CCDC159: variants seen among roughly 807,000 people sequenced by gnomAD.
CCDC159 encodes coiled-coil domain-containing protein 159.
A neutral mutation model predicts 50.9 loss-of-function variants in CCDC159; 40 were observed. The observed-to-expected ratio is 0.79, with a 90% confidence interval of 0.61 to 1.02. CCDC159 has a LOEUF of 1.02. Among genes scored for constraint, CCDC159 ranks in the 50% least tolerant of loss-of-function variants. CCDC159 has a pLI of 0.00. For synonymous variants in CCDC159, 146 were observed against 138.9 expected, an observed-to-expected ratio of 1.05 and a Z score of -0.36; for missense variants, 356 against 371.5, an observed-to-expected ratio of 0.96 and a Z score of 0.34.
Position 11,349,686 on chromosome 19 carries a change from A to G in CCDC159, c.54A>G (p.Lys18=), listed in dbSNP as rs1229717410. The part of the protein sequence containing the change: ...KPLETSSSKV[K]AKTIVMIPDS... The stretch of plus-strand genomic sequence containing the variant: ...TGGAGACCAGCTCTTCCAAAGTCAA[A>G]GGTGAGAAATCTCCTTTCCAACAAA... Residue 18 remains lysine (K), a splice_region_variant and synonymous_variant, in exon 2 of 11, where the codon AAA becomes AAG. Coordinates refer to ENST00000458408, the MANE Select transcript of CCDC159 (RefSeq NM_001080503.3). The G allele has an allele frequency of 6.2e-7, 1 of 1,605,826 alleles. No individual in the cohort carries two copies. The highest frequency in any genetic ancestry group is 2.2e-5 in the East Asian group (1 of 44,848).
chr19:11,352,677 T>C (rs1156930849), intron 7 of CCDC159, among the ~76,000 whole-genome samples: 1 of 151,824 alleles, frequency 6.6e-6, no homozygotes, highest in East Asian at 1.9e-4. Flanking sequence ...ATGCCTGTTA[T>C]CTCAGCACTT....
chr19:11,349,837 CCT>C (rs1218455709), intron 2 of CCDC159, 99 bp from the exon 3 acceptor site: 4 of 1,255,658 alleles, frequency 3.2e-6, no homozygotes, highest in South Asian at 2.5e-5. Context: ...TATCTTATCC[CCT>C]GTCCCTACTG....
Position 11,354,830 on chromosome 19 carries a change from C to T in CCDC159, c.890-43C>T, listed in dbSNP as rs780953189. 1.3e-5 allele frequency: 21 copies of T among 1,612,756 alleles called. No individual in the cohort carries two copies. In the African/African-American group the frequency reaches 2.4e-4, roughly 18 times the overall value. ...GTCCCTGACCTGCAGCCCCGGAGTC[C>T]CCTGGACCTGGCCAGGCCCTGACCC... On this transcript the variant is annotated intron_variant, in intron 10 of 10. Coordinates refer to ENST00000458408, the MANE Select transcript of CCDC159 (RefSeq NM_001080503.3).
intron 7 of CCDC159, 169 bp from the exon 8 acceptor site, chr19:11,353,282 A>T: frequency 1.8e-6 from 1 of 557,374 alleles, no homozygotes; most frequent in Non-Finnish European, 2.8e-6. Flanking sequence ...TTGTATTTTT[A>T]GTAGAGATGC....
chr19:11,350,891 G>T lies in CCDC159; in HGVS notation c.310G>T (p.Ala104Ser). 1 of 1,552,652 alleles carries T rather than the reference G, an allele frequency of 6.4e-7. No homozygotes were observed. The highest frequency in any genetic ancestry group is 8.7e-7 in the Non-Finnish European group (1 of 1,148,038). The change falls in exon 5 of 11, where the codon GCC becomes TCC. Residue 104 changes from alanine to serine, a missense_variant. By Grantham distance (99) the Ala-to-Ser change is moderately conservative. Transcript: ENST00000458408. ...MEQGRQELYG[A>S]LTQGLQGLEK... is the part of the protein sequence containing the mutation. ...GCAGGGCCGGCAGGAGCTGTATGGG[G>T]CCCTGACCCAAGGCCTTCAGGGGCT...
At chr19:11,353,333 C>T (rs1217287093) in intron 7 of CCDC159, 118 bp from the exon 8 acceptor site, 38 of 1,067,240 alleles carry the variant, frequency 3.6e-5, no homozygotes, top group Admixed American at 2.4e-4. Context: ...ATCTCCTGAC[C>T]TCGTGATCTG....
Position 11,348,500 on chromosome 19 carries a change from G to A in CCDC159, c.22-1154G>A, listed in dbSNP as rs553664847. 5.9e-5 allele frequency among the ~76,000 whole-genome samples: 9 copies of A among 152,310 alleles called. No individual in the cohort carries two copies. In the South Asian group the frequency reaches 1.5e-3, roughly 25 times the overall value. On this transcript the variant is annotated intron_variant, in intron 1 of 10. Coordinates refer to ENST00000458408, the MANE Select transcript of CCDC159 (RefSeq NM_001080503.3). ...GACGGGGTTTCACCATATTGGCCAC[G>A]CTGGTCTCGAACTCCTGACCTCAAG... is the stretch of plus-strand genomic sequence containing the variant.
rs536083164 is a variant in CCDC159, at chr19:11,351,475, A to T, written c.423-431A>T. The T allele has an allele frequency of 9.9e-5, 16 of 161,124 alleles. No individual in the cohort carries two copies. In the South Asian group the frequency reaches 2.2e-3, roughly 22 times the overall value. The allele number at this position is 161,124 out of a possible 1,614,324, so 10.0% of individuals were successfully genotyped here. On this transcript the variant is annotated intron_variant, in intron 5 of 10. Transcript: ENST00000458408. ...CTAAAAAAAAAAAAATGAGGAGGGG[A>T]TGAGAGGCTCAGGGGAGACAGGTGG... is the stretch of plus-strand genomic sequence containing the variant.
chr19:11,349,251 G>A, intron 1 of CCDC159: 1 of 1,112,550 alleles, frequency 9.0e-7, no homozygotes, highest in Non-Finnish European at 1.2e-6. Flanking sequence ...ATCTACTGCT[G>A]TGGGGCTTAG....
chr19:11,353,615 C>T, intron 8 of CCDC159, 43 bp downstream of exon 8: 1 of 1,604,220 alleles, frequency 6.2e-7, no homozygotes, highest in Admixed American at 1.7e-5. Flanking sequence ...CTCCTCTGAA[C>T]CCGTTCCCCC....
intron 1 of CCDC159, among the ~76,000 whole-genome samples, chr19:11,348,517 G>C (rs963690092): frequency 6.6e-6 from 1 of 152,198 alleles, no homozygotes; most frequent in African/African-American, 2.4e-5. Context: ...TCGAACTCCT[G>C]ACCTCAAGTG....
At position 11,351,026 on chromosome 19, in the gene CCDC159, C is replaced by T. The variant is rs573349804; in HGVS notation, c.422+23C>T. On this transcript the variant is annotated intron_variant, in intron 5 of 10. Transcript: ENST00000458408. Reference sequence around the variant, plus strand: ...CAGGTCGGGGATGGCGGGAGGGCAGCTTGGAGTCCACAGGAGGGAAGGGAG... The same window carrying T: ...CAGGTCGGGGATGGCGGGAGGGCAGTTTGGAGTCCACAGGAGGGAAGGGAG... 5 of 1,520,732 alleles carry T rather than the reference C, an allele frequency of 3.3e-6. No homozygotes were observed. The Admixed American group carries it at 8.3e-5, about 25-fold the overall frequency. The allele number at this position is 1,520,732 out of a possible 1,614,324, so 94.2% of individuals were successfully genotyped here.
rs760384861 is a variant in CCDC159, at chr19:11,348,936, A to G, written c.22-718A>G. On this transcript the variant is annotated intron_variant, in intron 1 of 10. Coordinates refer to ENST00000458408, the MANE Select transcript of CCDC159 (RefSeq NM_001080503.3). The stretch of plus-strand genomic sequence containing the variant: ...GCTGGGAATGTGAGGAGTGCCCTGC[A>G]CTGTCCCTCAAGGAAGCCCTCACCC... 6.7e-5 allele frequency: 89 copies of G among 1,328,598 alleles called. No individual in the cohort carries two copies. The Middle Eastern group carries it at 1.5e-3, about 22-fold the overall frequency. The allele number at this position is 1,328,598 out of a possible 1,614,324, so 82.3% of individuals were successfully genotyped here. A position where few individuals can be genotyped will look rare whatever the true frequency, so the allele number is the denominator to read the frequency against.
intron 10 of CCDC159, 70 bp downstream of exon 10, chr19:11,354,766 G>T (rs1331341494): frequency 6.2e-7 from 1 of 1,609,814 alleles, no homozygotes; most frequent in African/African-American, 1.3e-5. Context: ...CCACAGTCTA[G>T]ACCCTCAGAA....
intron 1 of CCDC159, 87 bp from the exon 2 acceptor site, chr19:11,349,567 C>T (rs1599381321): frequency 1.9e-6 from 3 of 1,565,746 alleles, no homozygotes; most frequent in South Asian, 2.3e-5. Flanking sequence ...AGATCCAACT[C>T]TTGTCCAGCC....
In CCDC159 at chr19:11,350,961, C is replaced by T; in HGVS notation, c.380C>T (p.Thr127Ile). The change falls in exon 5 of 11, where the codon ACC becomes ATC. Residue 127 changes from threonine (T) to isoleucine (I), a missense_variant. Transcript: ENST00000458408. Reference sequence around the variant, plus strand: ...AGTGAGGAGATGCAGCGGGCCCGCACCACTCGCTGCCTGCAGCTGCTGGCC... The same window carrying T: ...AGTGAGGAGATGCAGCGGGCCCGCATCACTCGCTGCCTGCAGCTGCTGGCC... ...RDSEEMQRAR[T>I]TRCLQLLAQE... 6.4e-7 allele frequency: 1 copy of T among 1,553,762 alleles called. No homozygotes were observed. The highest frequency in any genetic ancestry group is 8.7e-7 in the Non-Finnish European group (1 of 1,148,814).
chr19:11,351,966 G>A lies in CCDC159; in HGVS notation c.483G>A (p.Gln161=). 6.2e-7 allele frequency: 1 copy of A among 1,608,540 alleles called. No individual in the cohort carries two copies. The highest frequency in any genetic ancestry group is 8.5e-7 in the Non-Finnish European group (1 of 1,177,552). The change falls in exon 6 of 11, where the codon CAG becomes CAA. Residue 161 remains glutamine, a synonymous_variant. Transcript: ENST00000458408. ...GGGAGGAGGTGACCTTCATCTATCAGAAGCTCCGTGAGTTCCTGGAGCCCA... is the reference window on the plus strand; with the variant it reads ...GGGAGGAGGTGACCTTCATCTATCAAAAGCTCCGTGAGTTCCTGGAGCCCA... ...LVREEVTFIY[Q]KLQAQEDEIS... is the part of the protein sequence containing the mutation.
intron 9 of CCDC159, 30 bp downstream of exon 9, chr19:11,353,904 G>T: frequency 6.6e-7 from 1 of 1,522,816 alleles, no homozygotes; most frequent in South Asian, 1.2e-5. Context: ...GCTCAGGGGT[G>T]GGAGGTCATT....
In CCDC159 at chr19:11,351,233, T is replaced by C. The variant is rs111631813; in HGVS notation, c.422+230T>C. On this transcript the variant is annotated intron_variant, in intron 5 of 10. Coordinates refer to ENST00000458408, the MANE Select transcript of CCDC159 (RefSeq NM_001080503.3). ...GGGCGGATCACCTGAGGTCAGGAGT[T>C]CGAGACCAGCCTGGCCAACATGGTG... The C allele has an allele frequency of 1.5e-4, 71 of 484,462 alleles. 1 individual carries two copies. Among genetic ancestry groups the C allele is most frequent in the African/African-American group, 1.3e-3 (67 of 49,776 alleles). The allele number at this position is 484,462 out of a possible 1,614,324, so 30.0% of individuals were successfully genotyped here.
Sources: allele counts gnomAD v4.1 joint callset (sites outside exome capture counted in the v4.1 genomes callset), GRCh38; gene constraint gnomAD v4.1.1; transcripts MANE v1.5; gene names NCBI Gene and HGNC (gene_info 2026-07-23, HGNC 2026-07-21).